MMP17: variants seen among roughly 807,000 people sequenced by gnomAD.
MMP17 encodes matrix metalloproteinase-17.
MMP17 carries 54 observed loss-of-function variants against 49.1 expected under a neutral mutation model. The observed-to-expected ratio is 1.10, with a 90% CI of 0.88 to 1.38. MMP17 has a LOEUF of 1.38. Among genes scored for constraint, MMP17 ranks in the 40% most tolerant of loss-of-function variants. The pLI, the probability that MMP17 is intolerant of heterozygous loss-of-function variation, is 0.00. For missense variants in MMP17, 837 were observed against 853.7 expected (o/e 0.98, Z 0.24); for synonymous variants, 397 against 383.1 (o/e 1.04, Z -0.42).
At chr12:131,829,447 G>T (rs968805073) in intron 1 of MMP17, among the ~76,000 whole-genome samples, 1 of 152,130 alleles carries the variant, frequency 6.6e-6, no homozygotes, top group African/African-American at 2.4e-5. Context: ...CACACGTCGT[G>T]GGGTCAGCGC....
At chr12:131,844,776 A>G in intron 6 of MMP17, 2 of 338,270 alleles carry the variant, frequency 5.9e-6, no homozygotes, top group African/African-American at 2.1e-5. Flanking sequence ...ACCGAATTCT[A>G]GGCCCGGGCT....
chr12:131,851,136 C>T lies in MMP17; in HGVS notation c.1674C>T (p.Tyr558=), dbSNP rs753070345. 8 of 1,576,386 alleles carry T rather than the reference C, an allele frequency of 5.1e-6. No individual in the cohort carries two copies. Among genetic ancestry groups the T allele is most frequent in the South Asian group, 3.5e-5 (3 of 86,282 alleles). ...QHDQSRSEDG[Y]EVCSCTSGAS... ...ACCAGAGCCGCTCGGAGGACGGTTA[C>T]GAGGTCTGCTCATGCACCTCTGGGG... The change falls in exon 10 of 10, where the codon TAC becomes TAT. Residue 558 remains tyrosine, a synonymous_variant. Transcript: ENST00000360564.
intron 1 of MMP17, among the ~76,000 whole-genome samples, chr12:131,829,953 C>G (rs1250203289): frequency 6.6e-6 from 1 of 152,252 alleles, no homozygotes; most frequent in Admixed American, 6.5e-5. Context: ...GGGGTGCCCC[C>G]CTCCACCTCC....
rs978639828 is a variant in MMP17, at chr12:131,846,412, T to C, written c.1204+963T>C. 6.6e-6 allele frequency among the ~76,000 whole-genome samples: 1 copy of C among 152,234 alleles called. No individual in the cohort carries two copies. Among genetic ancestry groups the C allele is most frequent in the African/African-American group, 2.4e-5 (1 of 41,466 alleles). On this transcript the variant is annotated intron_variant, in intron 8 of 9. Coordinates refer to ENST00000360564, the MANE Select transcript of MMP17 (RefSeq NM_016155.7). The surrounding 1 kb of genome is among the most constrained non-coding windows in gnomAD (Gnocchi z 4.6). ...GTTTTTCTGAGACAAAGTCTCACTC[T>C]GTTGCCCAGGCTGGAATGCAATGGT...
In MMP17 at chr12:131,851,231, C is replaced by A; in HGVS notation, c.1769C>A (p.Ser590Ter). ...ATMLLLLPPL[S>*]PGALWTAAQA... ...ATGCTGCTGCTGCTGCCGCCACTGT[C>A]ACCAGGCGCCCTGTGGACAGCGGCC... The change falls in exon 10 of 10, where the codon TCA becomes TAA. Residue 590 changes from serine (S) to a stop codon, truncating the protein, a stop_gained. Coordinates refer to ENST00000360564, the MANE Select transcript of MMP17 (RefSeq NM_016155.7). LOFTEE classifies it low-confidence loss of function (END_TRUNC). 6.9e-7 allele frequency: 1 copy of A among 1,452,702 alleles called. No homozygotes were observed. The highest frequency in any genetic ancestry group is 9.1e-7 in the Non-Finnish European group (1 of 1,100,020). The allele number at this position is 1,452,702 out of a possible 1,614,324, so 90.0% of individuals were successfully genotyped here.
intron 5 of MMP17, 78 bp downstream of exon 5, chr12:131,841,878 C>T: frequency 2.1e-6 from 3 of 1,443,274 alleles, no homozygotes; most frequent in South Asian, 1.4e-5. Context: ...AGCAGAGCCC[C>T]CCCGGGAGGG....
At chr12:131,836,534 T>G (rs1887093523) in intron 1 of MMP17, among the ~76,000 whole-genome samples, 1 of 152,024 alleles carries the variant, frequency 6.6e-6, no homozygotes, top group Non-Finnish European at 1.5e-5. Context: ...TATGCATTTT[T>G]TTAGGTTAAG....
intron 5 of MMP17, among the ~76,000 whole-genome samples, chr12:131,842,218 C>T (rs73469989): frequency 0.03 from 4,614 of 152,278 alleles, 132 homozygotes; most frequent in African/African-American, 0.075. Context: ...AGGGACCCCT[C>T]TGCTGGGTTC....
In MMP17 at chr12:131,851,194, G is replaced by C. The variant is rs778604046; in HGVS notation, c.1732G>C (p.Val578Leu). 40 of 1,463,354 alleles carry C rather than the reference G, an allele frequency of 2.7e-5. No individual in the cohort carries two copies. The highest frequency in any genetic ancestry group is 3.3e-5 in the Non-Finnish European group (37 of 1,105,452). 90.6% of individuals were successfully genotyped at this position (1,463,354 alleles called of 1,614,324 possible). A position where few individuals can be genotyped will look rare whatever the true frequency, so the allele number is the denominator to read the frequency against. Residue 578 changes from valine to leucine, a missense_variant, in exon 10 of 10, where the codon GTG becomes CTG. Coordinates refer to ENST00000360564, the MANE Select transcript of MMP17 (RefSeq NM_016155.7). ...SSPPGAPGPL[V>L]AATMLLLLPP... ...TCCCCCGGGGGCCCCAGGCCCACTG[G>C]TGGCTGCCACCATGCTGCTGCTGCT...
Position 131,840,696 on chromosome 12 carries a change from C to T in MMP17, c.546C>T (p.Ala182=), listed in dbSNP as rs766949080. The T allele has an allele frequency of 3.7e-6, 6 of 1,605,966 alleles. No individual in the cohort carries two copies. Among genetic ancestry groups the T allele is most frequent in the South Asian group, 1.1e-5 (1 of 91,090 alleles). Residue 182 remains alanine, a synonymous_variant, in exon 4 of 10, where the codon GCC becomes GCT. Coordinates refer to ENST00000360564, the MANE Select transcript of MMP17 (RefSeq NM_016155.7). Reference sequence around the variant, plus strand: ...ACTTCCACGAGGTGGCGGGCAGCGCCGCCGACATCCAGATCGACTTCTCCA... The same window carrying T: ...ACTTCCACGAGGTGGCGGGCAGCGCTGCCGACATCCAGATCGACTTCTCCA... ...PLNFHEVAGS[A]ADIQIDFSKA...
chr12:131,834,692 A>G (rs960705108), intron 1 of MMP17, among the ~76,000 whole-genome samples: 69 of 151,884 alleles, frequency 4.5e-4, no homozygotes, highest in African/African-American at 1.6e-3. Context: ...TGCTGGCTGC[A>G]GTGGGGGGGT....
Position 131,851,236 on chromosome 12 carries a change from G to A in MMP17, c.1774G>A (p.Gly592Ser). The A allele has an allele frequency of 6.9e-7, 1 of 1,450,202 alleles. No individual in the cohort carries two copies. The allele number at this position is 1,450,202 out of a possible 1,614,324, so 89.8% of individuals were successfully genotyped here. A position where few individuals can be genotyped will look rare whatever the true frequency, so the allele number is the denominator to read the frequency against. Residue 592 changes from glycine (G) to serine (S), a missense_variant, in exon 10 of 10, where the codon GGC (glycine) becomes AGC (serine). Coordinates refer to ENST00000360564, the MANE Select transcript of MMP17 (RefSeq NM_016155.7). ...GCTGCTGCTGCCGCCACTGTCACCA[G>A]GCGCCCTGTGGACAGCGGCCCAGGC... is the stretch of plus-strand genomic sequence containing the variant. The part of the protein sequence containing the change: ...MLLLLPPLSP[G>S]ALWTAAQALT...
chr12:131,847,755 TGA>T (rs1367507957), intron 8 of MMP17, among the ~76,000 whole-genome samples: 1 of 152,260 alleles, frequency 6.6e-6, no homozygotes, highest in Non-Finnish European at 1.5e-5. Context: ...GTCACCTGGA[TGA>T]GGTGTGTCTG....
Position 131,841,246 on chromosome 12 carries a change from G to A in MMP17, c.707-378G>A, listed in dbSNP as rs527876235. Among the ~76,000 whole-genome samples the A allele has an allele frequency of 6.3e-4, 96 of 152,372 alleles. 1 individual carries two copies. The highest frequency in any genetic ancestry group is 1.9e-3 in the African/African-American group (80 of 41,586). Reference sequence around the variant, plus strand: ...GGACTGTAGCCTTGGGAACCATGCAGTCCTGGGAGCCCAGGCCCGTCTTGT... The same window carrying A: ...GGACTGTAGCCTTGGGAACCATGCAATCCTGGGAGCCCAGGCCCGTCTTGT... On this transcript the variant is annotated intron_variant, in intron 4 of 9. Coordinates refer to ENST00000360564, the MANE Select transcript of MMP17 (RefSeq NM_016155.7).
chr12:131,841,443 G>T (rs1181437633), intron 4 of MMP17, among the ~76,000 whole-genome samples, 181 bp from the exon 5 acceptor site: 1 of 152,192 alleles, frequency 6.6e-6, no homozygotes, highest in Non-Finnish European at 1.5e-5. Flanking sequence ...AGCCCAGCAG[G>T]CCCCACAGAG....
chr12:131,838,602 T>C lies in MMP17; in HGVS notation c.293-10T>C. The C allele has an allele frequency of 6.2e-7, 1 of 1,607,490 alleles. No homozygotes were observed. Reference sequence around the variant, plus strand: ...TGGGCTAGGCTCTGAGCTCCATGCTTTCCCTGCAGACGAGGCCACCCTGGC... The same window carrying C: ...TGGGCTAGGCTCTGAGCTCCATGCTCTCCCTGCAGACGAGGCCACCCTGGC... On this transcript the variant is annotated splice_polypyrimidine_tract_variant and intron_variant, in intron 2 of 9. Transcript: ENST00000360564.
Position 131,838,635 on chromosome 12 carries a change from A to G in MMP17, c.316A>G (p.Lys106Glu), listed in dbSNP as rs1449924145. The G allele has an allele frequency of 6.2e-7, 1 of 1,611,110 alleles. No individual in the cohort carries two copies. The highest frequency in any genetic ancestry group is 8.5e-7 in the Non-Finnish European group (1 of 1,179,696). Residue 106 changes from lysine to glutamate, a missense_variant, in exon 3 of 10, where the codon AAA becomes GAA. Physicochemically the swap from Lys to Glu is moderately conservative, Grantham distance 56 (BLOSUM62 1). Coordinates refer to ENST00000360564, the MANE Select transcript of MMP17 (RefSeq NM_016155.7). ...AGACGAGGCCACCCTGGCCCTGATGAAAACCCCACGCTGCTCCCTGCCAGA... is the reference window on the plus strand; with the variant it reads ...AGACGAGGCCACCCTGGCCCTGATGGAAACCCCACGCTGCTCCCTGCCAGA... ...ILDEATLALM[K>E]TPRCSLPDLP...
chr12:131,835,760 A>G (rs1375307467), intron 1 of MMP17, among the ~76,000 whole-genome samples: 2 of 152,244 alleles, frequency 1.3e-5, no homozygotes. Context: ...AGGAAACTCC[A>G]GAGTGCTTCC....
At chr12:131,844,384 C>T (rs963836954) in intron 6 of MMP17, 1 of 436,784 alleles carries the variant, frequency 2.3e-6, no homozygotes. Context: ...TCATGGATTC[C>T]CAGCATCAGG....
Sources: gnomAD v4.1 joint callset for allele counts (sites outside exome capture counted in the v4.1 genomes callset) on GRCh38, gnomAD v4.1.1 for gene constraint, Gnocchi (gnomAD v3.1) non-coding constraint, MANE v1.5 for transcripts, NCBI Gene and HGNC (gene_info 2026-07-23, HGNC 2026-07-21) for gene names.